RASSF3: variants seen among roughly 807,000 people sequenced by gnomAD.
The protein encoded by RASSF3 is ras association domain-containing protein 3.
In RASSF3, 19 loss-of-function variants were observed where a neutral mutation model predicts 19.9. That is an observed-to-expected ratio of 0.96 (90% confidence interval 0.67 to 1.40). The LOEUF (loss-of-function observed/expected upper bound fraction) is 1.40. Ranked by LOEUF, RASSF3 falls within the 40% of genes most tolerant of loss-of-function variation. The pLI, the probability that RASSF3 is intolerant of heterozygous loss-of-function variation, is 0.00. For missense variants in RASSF3, 306 were observed against 289.8 expected, an observed-to-expected ratio of 1.06 and a Z score of -0.41; for synonymous variants, 110 against 104.2, an observed-to-expected ratio of 1.06 and a Z score of -0.34.
chr12:64,578,768 G>A (rs937191810), intron 2 of RASSF3, among the ~76,000 whole-genome samples: 7 of 152,188 alleles, frequency 4.6e-5, no homozygotes, highest in Non-Finnish European at 7.3e-5. Context: ...TTGACTACTC[G>A]CCTACACTGC....
intron 1 of RASSF3, among the ~76,000 whole-genome samples, chr12:64,634,337 A>C (rs188978820): frequency 3.3e-5 from 5 of 151,742 alleles, no homozygotes; most frequent in Non-Finnish European, 2.9e-5. Context: ...ACTTTGAAAA[A>C]AAAATTCATT....
At chr12:64,519,647 T>C (rs1868427347) in intron 1 of RASSF3, among the ~76,000 whole-genome samples, 1 of 152,202 alleles carries the variant, frequency 6.6e-6, no homozygotes, top group Non-Finnish European at 1.5e-5. Flanking sequence ...TATATATACA[T>C]ACATTCACTT....
chr12:64,508,384 G>A (rs1016971268), intron 1 of RASSF3, among the ~76,000 whole-genome samples: 2 of 151,694 alleles, frequency 1.3e-5, no homozygotes, highest in Non-Finnish European at 2.9e-5. Context: ...GGGCATGGTG[G>A]CTGGTGCCTG....
At chr12:64,566,030 A>G (rs1869425495) in intron 2 of RASSF3, among the ~76,000 whole-genome samples, 1 of 152,074 alleles carries the variant, frequency 6.6e-6, no homozygotes, top group African/African-American at 2.4e-5. Flanking sequence ...GTGAAACACC[A>G]TCTCTACTAA....
intron 1 of RASSF3, among the ~76,000 whole-genome samples, chr12:64,619,790 G>A (rs1008984657): frequency 6.6e-6 from 1 of 152,110 alleles, no homozygotes; most frequent in African/African-American, 2.4e-5. Flanking sequence ...GACTAACCTG[G>A]CCAATATAGT....
chr12:64,580,170 A>C (rs990997612), intron 2 of RASSF3, among the ~76,000 whole-genome samples: 4 of 152,088 alleles, frequency 2.6e-5, no homozygotes, highest in African/African-American at 9.7e-5. Flanking sequence ...ATAGAATCAC[A>C]AACTCTCAAG....
At position 64,566,654 on chromosome 12, in the gene RASSF3, G is replaced by A. The variant is rs1869436619; in HGVS notation, c.294+24949G>A. Among the ~76,000 whole-genome samples, 3 of 152,112 alleles carry A rather than the reference G, an allele frequency of 2.0e-5. 1 individual carries two copies. The South Asian group carries it at 6.2e-4, about 32-fold the overall frequency. ...ACACTGAGAAGTCTAAAATGAATAT[G>A]AACTGAGGGCTCCACACAGAGATGC... is the stretch of plus-strand genomic sequence containing the variant. On this transcript the variant is annotated intron_variant, in intron 2 of 5. Coordinates refer to the RASSF3 transcript ENST00000637125.
intron 2 of RASSF3, among the ~76,000 whole-genome samples, chr12:64,577,656 C>CA (rs1869617740): frequency 6.6e-6 from 1 of 152,100 alleles, no homozygotes; most frequent in Non-Finnish European, 1.5e-5. Flanking sequence ...CTCTTGAACC[C>CA]AGGAGGCAGG....
upstream of RASSF3, among the ~76,000 whole-genome samples, chr12:64,530,102 C>T (rs999349714): frequency 3.9e-5 from 6 of 152,136 alleles, no homozygotes; most frequent in African/African-American, 1.4e-4. Context: ...TTCTTGTTCA[C>T]TCCTCCATCC....
chr12:64,620,225 A>T (rs1870705055), intron 1 of RASSF3, among the ~76,000 whole-genome samples: 1 of 152,122 alleles, frequency 6.6e-6, no homozygotes, highest in South Asian at 2.1e-4. Context: ...TAGTTTACTT[A>T]GCTTGATGTC....
intron 2 of RASSF3, among the ~76,000 whole-genome samples, chr12:64,552,214 AG>A (rs1175093532): frequency 3.9e-5 from 6 of 152,142 alleles, no homozygotes; most frequent in Admixed American, 3.9e-4. Flanking sequence ...AAAGAGAGAA[AG>A]GAAAGGGTAG....
intron 2 of RASSF3, among the ~76,000 whole-genome samples, chr12:64,562,026 TG>T (rs1460263460): frequency 1.6e-4 from 24 of 151,584 alleles, no homozygotes; most frequent in African/African-American, 5.8e-4. Context: ...TATTTATTTT[TG>T]TTTGTTTTGA....
intron 1 of RASSF3, among the ~76,000 whole-genome samples, chr12:64,521,120 C>T (rs1231607872): frequency 6.6e-6 from 1 of 152,120 alleles, no homozygotes; most frequent in Non-Finnish European, 1.5e-5. Flanking sequence ...CTTGTGACCC[C>T]ACCTCACCCA....
At chr12:64,577,676 G>A (rs1324577092) in intron 2 of RASSF3, among the ~76,000 whole-genome samples, 7 of 152,104 alleles carry the variant, frequency 4.6e-5, no homozygotes, top group South Asian at 2.1e-4. Flanking sequence ...GGGTGGCAGC[G>A]AGCCAAGATC....
rs56963418 is a variant in RASSF3, at chr12:64,576,850, CA to C, written c.294+35165del. On this transcript the variant is annotated intron_variant, in intron 2 of 5. Transcript: ENST00000637125. The stretch of plus-strand genomic sequence containing the variant: ...TGGGCAATGGAGTGAGACCCTGTCT[CA>C]AAAAAAAAAAAAAAAAAAACTTGAT... Among the ~76,000 whole-genome samples the C allele has an allele frequency of 1.5e-3, 127 of 85,670 alleles. 1 individual carries two copies. The highest frequency in any genetic ancestry group is 0.012 in the Middle Eastern group (2 of 164). 56.2% of individuals were successfully genotyped at this position (85,670 alleles called of 152,430 possible).
chr12:64,533,816 G>T (rs925835629), intron 1 of RASSF3, among the ~76,000 whole-genome samples: 1 of 152,210 alleles, frequency 6.6e-6, no homozygotes, highest in African/African-American at 2.4e-5. Context: ...ATGCATGCAG[G>T]CTTGCAGTCC....
chr12:64,597,855 G>A (rs190018455), intron 2 of RASSF3, among the ~76,000 whole-genome samples: 14 of 152,108 alleles, frequency 9.2e-5, no homozygotes, highest in Admixed American at 8.5e-4. Flanking sequence ...TTCCTCTTAC[G>A]TATCCTTCTC....
chr12:64,644,520 A>C (rs1034893438), intron 1 of RASSF3, among the ~76,000 whole-genome samples: 5 of 151,828 alleles, frequency 3.3e-5, no homozygotes, highest in African/African-American at 1.2e-4. Flanking sequence ...ACATGGAGAA[A>C]CCCCATCTCC....
At chr12:64,524,613 A>G (rs1212089188) in intron 1 of RASSF3, among the ~76,000 whole-genome samples, 1 of 152,178 alleles carries the variant, frequency 6.6e-6, no homozygotes, top group Non-Finnish European at 1.5e-5. Flanking sequence ...CAAGGTGCCC[A>G]GATCTAAAAA....
Sources: gnomAD v4.1 joint callset for allele counts (sites outside exome capture counted in the v4.1 genomes callset) on GRCh38, gnomAD v4.1.1 for gene constraint, MANE v1.5 for transcripts, NCBI Gene and HGNC (gene_info 2026-07-23, HGNC 2026-07-21) for gene names.